The following EPSTI1 variants were observed in gnomAD, a reference collection of about 807,000 sequenced individuals.
The protein encoded by EPSTI1 is epithelial stromal interaction 1.
In EPSTI1, 66 loss-of-function variants were observed where a neutral mutation model predicts 49.9. That is an observed-to-expected ratio of 1.32 (90% CI 1.08 to 1.62). The LOEUF is 1.62. Among genes scored for constraint, EPSTI1 ranks in the 40% most tolerant of loss-of-function variants. EPSTI1 has a pLI of 0.00. For missense variants in EPSTI1, 394 were observed against 365.5 expected, an observed-to-expected ratio of 1.08 and a Z score of -0.64; for synonymous variants, 137 against 130.7, an observed-to-expected ratio of 1.05 and a Z score of -0.33.
At chr13:42,952,343 T>C (rs7983871) in intron 6 of EPSTI1, among the ~76,000 whole-genome samples, 149,341 of 152,306 alleles carry the variant, frequency 0.98, 73,268 homozygotes, top group East Asian at 1. Context: ...CAAAGGTCCA[T>C]GGCTTCATTC....
At chr13:42,921,419 A>G (rs2037989335) in intron 7 of EPSTI1, among the ~76,000 whole-genome samples, 2 of 152,316 alleles carry the variant, frequency 1.3e-5, no homozygotes, top group Admixed American at 1.3e-4. Flanking sequence ...CTGAATAAAG[A>G]TAGTTTCAGA....
At chr13:42,923,869 T>C (rs73468091) in intron 7 of EPSTI1, among the ~76,000 whole-genome samples, 2,308 of 152,296 alleles carry the variant, frequency 0.015, 52 homozygotes, top group African/African-American at 0.052. Context: ...GCAGATCCAC[T>C]TTTAAAGGAG....
chr13:42,904,180 A>C lies in EPSTI1; in HGVS notation c.742-3797T>G, dbSNP rs115336687. ...GAGGATTAAAACACACTGATGTGAG[A>C]TTCAGTGGTTCAGTGACTATTTTAG... On this transcript the variant is annotated intron_variant, in intron 8 of 10. Coordinates refer to ENST00000313624, the MANE Select transcript of EPSTI1 (RefSeq NM_033255.5). Among the ~76,000 whole-genome samples, 797 of 152,342 alleles carry C rather than the reference A, an allele frequency of 5.2e-3. 8 individuals carry two copies. The highest frequency in any genetic ancestry group is 0.017 in the African/African-American group (724 of 41,584).
At chr13:42,954,048 C>T (rs750688883) in intron 5 of EPSTI1, 27 bp from the exon 6 acceptor site, 1 of 1,584,688 alleles carries the variant, frequency 6.3e-7, no homozygotes, top group Non-Finnish European at 8.6e-7. Flanking sequence ...CAAAACATAA[C>T]TTATTAAAGA....
In EPSTI1 at chr13:42,969,094, C is replaced by G. The variant is rs2039699944; in HGVS notation, c.331G>C (p.Gly111Arg). ...KPVHLVPRRLGGSQSETEVRQ... is the reference protein window; with the variant it reads ...KPVHLVPRRLRGSQSETEVRQ... Reference sequence around the variant, plus strand: ...TCCGGCAGCGGCTGTGCTTGCTTACCTAGCCGTCTGGGCACCAGGTGAACC... The same window carrying G: ...TCCGGCAGCGGCTGTGCTTGCTTACGTAGCCGTCTGGGCACCAGGTGAACC... Residue 111 changes from glycine (G) to arginine (R), a missense_variant and splice_region_variant, in exon 3 of 11, where the codon GGT (glycine) becomes CGT (arginine). Gly to Arg is a moderately radical substitution (Grantham distance 125). Transcript: ENST00000313624. The G allele has an allele frequency of 3.1e-6, 5 of 1,614,172 alleles. No individual in the cohort carries two copies. Among genetic ancestry groups the G allele is most frequent in the Non-Finnish European group, 4.2e-6 (5 of 1,180,038 alleles).
At chr13:42,982,823 AG>A (rs1239821803) in intron 1 of EPSTI1, among the ~76,000 whole-genome samples, 1 of 152,208 alleles carries the variant, frequency 6.6e-6, no homozygotes, top group Non-Finnish European at 1.5e-5. Context: ...CCTCTAAGGT[AG>A]GTCATAATAT....
intron 1 of EPSTI1, among the ~76,000 whole-genome samples, chr13:42,978,897 T>A (rs1402310880): frequency 6.6e-6 from 1 of 152,182 alleles, no homozygotes; most frequent in East Asian, 1.9e-4. Flanking sequence ...TAAATATATA[T>A]CATTAAGTTT....
intron 5 of EPSTI1, among the ~76,000 whole-genome samples, chr13:42,962,005 T>G (rs901810270): frequency 6.6e-6 from 1 of 152,222 alleles, no homozygotes; most frequent in Non-Finnish European, 1.5e-5. Context: ...ATATGTCATT[T>G]CTAGATGGCT....
chr13:42,901,525 A>C (rs968950288), intron 8 of EPSTI1, among the ~76,000 whole-genome samples: 1 of 152,142 alleles, frequency 6.6e-6, no homozygotes, highest in Non-Finnish European at 1.5e-5. Flanking sequence ...ATATTTGTCC[A>C]CTCAATAAGC....
At chr13:42,892,504 T>A (rs1044701540) in intron 10 of EPSTI1, among the ~76,000 whole-genome samples, 4 of 151,844 alleles carry the variant, frequency 2.6e-5, no homozygotes, top group African/African-American at 9.7e-5. Context: ...GAGAGAGGGA[T>A]TGCACCGTTA....
At chr13:42,972,321 C>T (rs1032714010) in intron 1 of EPSTI1, among the ~76,000 whole-genome samples, 3 of 152,288 alleles carry the variant, frequency 2.0e-5, no homozygotes, top group East Asian at 1.9e-4. Context: ...CAGTAGCCTG[C>T]GACTGGGTCA....
intron 6 of EPSTI1, among the ~76,000 whole-genome samples, chr13:42,952,419 G>A (rs1260272346): frequency 3.3e-5 from 5 of 152,134 alleles, no homozygotes; most frequent in African/African-American, 1.2e-4. Flanking sequence ...CACCAGCCCA[G>A]CCCCTAATCT....
In EPSTI1 at chr13:42,900,312, C is replaced by G. The variant is rs2037318569; in HGVS notation, c.813G>C (p.Arg271Ser). The G allele has an allele frequency of 1.9e-6, 3 of 1,613,536 alleles. No individual in the cohort carries two copies. The highest frequency in any genetic ancestry group is 2.5e-6 in the Non-Finnish European group (3 of 1,179,634). Residue 271 changes from arginine (R) to serine (S), a missense_variant and splice_region_variant, in exon 9 of 11, where the codon AGG (arginine) becomes AGC (serine). By Grantham distance (110) the Arg-to-Ser change is moderately radical (BLOSUM62 -1). Coordinates refer to ENST00000313624, the MANE Select transcript of EPSTI1 (RefSeq NM_033255.5). The stretch of plus-strand genomic sequence containing the variant: ...CTTATTTTATTAGCCAGTTTTACCT[C>G]CTGTGTTCAGTCTGGTGGATTTTGG... The part of the protein sequence containing the change: ...ERAKIHQTEH[R>S]RVNNAFLDRL...
At chr13:42,948,311 C>A (rs1420883098) in intron 6 of EPSTI1, among the ~76,000 whole-genome samples, 2 of 152,168 alleles carry the variant, frequency 1.3e-5, no homozygotes, top group African/African-American at 2.4e-5. Flanking sequence ...CAGGTGCCTG[C>A]AGAGCAGAGG....
Position 42,970,611 on chromosome 13 carries a change from C to T in EPSTI1, c.247+1G>A. 6.2e-7 allele frequency: 1 copy of T among 1,606,980 alleles called. No individual in the cohort carries two copies. The highest frequency in any genetic ancestry group is 8.5e-7 in the Non-Finnish European group (1 of 1,176,420). ...AATGTTAAATGAATGACTATACATACTTCTTTGTATCTCATTTCTCCGGTT... is the reference window on the plus strand; with the variant it reads ...AATGTTAAATGAATGACTATACATATTTCTTTGTATCTCATTTCTCCGGTT... On this transcript the variant is annotated splice_donor_variant, in intron 2 of 10. Transcript: ENST00000313624. LOFTEE classifies it high-confidence loss of function.
chr13:42,900,421 T>C, intron 8 of EPSTI1, 38 bp from the exon 9 acceptor site: 1 of 1,588,506 alleles, frequency 6.3e-7, no homozygotes, highest in Non-Finnish European at 8.6e-7. Context: ...GGTTTTCAAT[T>C]AACACAGTTG....
chr13:42,915,820 CAA>C (rs2037814616), intron 8 of EPSTI1, among the ~76,000 whole-genome samples: 1 of 151,122 alleles, frequency 6.6e-6, no homozygotes, highest in African/African-American at 2.4e-5. Flanking sequence ...AGAATAAAAA[CAA>C]GATTAAGAAA....
intron 8 of EPSTI1, among the ~76,000 whole-genome samples, chr13:42,915,376 A>G (rs963931555): frequency 6.6e-6 from 1 of 152,212 alleles, no homozygotes. Flanking sequence ...TACTAAAAAT[A>G]CAAAAATTAG....
At chr13:42,954,339 T>C (rs2039194795) in intron 5 of EPSTI1, among the ~76,000 whole-genome samples, 1 of 152,272 alleles carries the variant, frequency 6.6e-6, no homozygotes, top group Non-Finnish European at 1.5e-5. Context: ...CAAAATGTTT[T>C]AATGAAAACA....
Sources: gnomAD v4.1 joint callset for allele counts (sites outside exome capture counted in the v4.1 genomes callset) on GRCh38, gnomAD v4.1.1 for gene constraint, MANE v1.5 for transcripts, NCBI Gene and HGNC (gene_info 2026-07-23, HGNC 2026-07-21) for gene names.